NIPAL2: variants seen among roughly 807,000 people sequenced by gnomAD.
NIPAL2 encodes the protein NIPA-like protein 2.
A neutral mutation model predicts 48.9 loss-of-function variants in NIPAL2; 43 were observed. The ratio of observed to expected loss-of-function variants is 0.88; its 90% CI spans 0.69 to 1.13. NIPAL2 has a LOEUF of 1.13. Among genes scored for constraint, NIPAL2 ranks in the 50% most tolerant of loss-of-function variants. NIPAL2 has a pLI of 0.00. For synonymous variants in NIPAL2, 167 were observed against 174.6 expected, an observed-to-expected ratio of 0.96 and a Z score of 0.34; for missense variants, 446 against 461.4, an observed-to-expected ratio of 0.97 and a Z score of 0.31.
At chr8:98,222,055 T>C (rs374562901) in intron 5 of NIPAL2, among the ~76,000 whole-genome samples, 18 of 152,240 alleles carry the variant, frequency 1.2e-4, no homozygotes, top group African/African-American at 4.1e-4. Flanking sequence ...CAATGATAGA[T>C]TGGATAAAGA....
chr8:98,262,143 A>G (rs1250442580), intron 1 of NIPAL2, among the ~76,000 whole-genome samples: 2 of 147,572 alleles, frequency 1.4e-5, no homozygotes, highest in African/African-American at 5.0e-5. Flanking sequence ...AAACATGGAA[A>G]GGAACAACCG....
At chr8:98,266,291 A>AG (rs1011336172) in intron 1 of NIPAL2, among the ~76,000 whole-genome samples, 13 of 149,352 alleles carry the variant, frequency 8.7e-5, no homozygotes, top group Admixed American at 6.0e-4. Flanking sequence ...ATAAAAAAAA[A>AG]AAGAAAATGA....
chr8:98,235,255 C>T (rs935318355), intron 4 of NIPAL2, among the ~76,000 whole-genome samples: 2 of 152,084 alleles, frequency 1.3e-5, no homozygotes, highest in African/African-American at 4.8e-5. Flanking sequence ...GCAATTCAAA[C>T]AGGATTTTGT....
At chr8:98,206,744 T>A (rs2130711028) in intron 6 of NIPAL2, among the ~76,000 whole-genome samples, 1 of 140,882 alleles carries the variant, frequency 7.1e-6, no homozygotes, top group African/African-American at 2.7e-5. Context: ...GCCACTGCAC[T>A]CCAGCCTGGG....
At chr8:98,266,256 C>A in intron 1 of NIPAL2, among the ~76,000 whole-genome samples, 1 of 140,432 alleles carries the variant, frequency 7.1e-6, no homozygotes, top group South Asian at 2.3e-4. Flanking sequence ...ACAATGTGCA[C>A]ATGTACCCTA....
chr8:98,226,606 TTC>T (rs148636631), intron 4 of NIPAL2, among the ~76,000 whole-genome samples: 22 of 149,596 alleles, frequency 1.5e-4, no homozygotes, highest in Middle Eastern at 3.4e-3. Flanking sequence ...CTCCCTCTCT[TTC>T]TCTCTCTCTC....
intron 8 of NIPAL2, among the ~76,000 whole-genome samples, chr8:98,196,793 G>A (rs564053891): frequency 2.7e-4 from 41 of 152,312 alleles, no homozygotes; most frequent in African/African-American, 8.9e-4. Context: ...TCTGCTGTGC[G>A]TCAGCCACTG....
chr8:98,282,033 G>A (rs1472415710), intron 1 of NIPAL2, among the ~76,000 whole-genome samples: 1 of 152,186 alleles, frequency 6.6e-6, no homozygotes, highest in East Asian at 1.9e-4. Context: ...TTTCTGCCAG[G>A]CAAGGTAACA....
At chr8:98,205,303 A>T in intron 6 of NIPAL2, 57 bp from the exon 7 acceptor site, 5 of 1,492,210 alleles carry the variant, frequency 3.4e-6, no homozygotes, top group Non-Finnish European at 4.6e-6. Context: ...GAATTAACAA[A>T]TATCTTAAGC....
At chr8:98,290,146 T>C (rs899139896) in intron 1 of NIPAL2, among the ~76,000 whole-genome samples, 3 of 152,208 alleles carry the variant, frequency 2.0e-5, no homozygotes, top group Non-Finnish European at 4.4e-5. Flanking sequence ...GGATAACACA[T>C]ACCTTTTGAG....
Position 98,212,459 on chromosome 8 carries a change from T to C in NIPAL2, c.601A>G (p.Lys201Glu). 6.3e-7 allele frequency: 1 copy of C among 1,579,200 alleles called. No homozygotes were observed. ...LIFCILLYFY[K>E]RKGMKHMVIL... ...ACCATATGCTTCATTCCTTTTCTTT[T>C]ATAGAAATACAGGAGAATGCAGAAA... The change falls in exon 6 of 11, where the codon AAA becomes GAA. Residue 201 changes from lysine to glutamate, a missense_variant. Transcript: ENST00000430223.
intron 1 of NIPAL2, among the ~76,000 whole-genome samples, chr8:98,286,812 C>CAAAAAAAAAAA (rs1182876107): frequency 5.2e-5 from 3 of 57,878 alleles, no homozygotes; most frequent in Non-Finnish European, 6.9e-5. Context: ...GAGACTCTGT[C>CAAAAAAAAAAA]AAAAAAAAAA....
At chr8:98,203,022 C>T in intron 8 of NIPAL2, 86 bp downstream of exon 8, 3 of 1,066,020 alleles carry the variant, frequency 2.8e-6, no homozygotes, top group Non-Finnish European at 2.9e-6. Flanking sequence ...TCCTTACAAC[C>T]TAAAGATTTC....
chr8:98,288,220 G>A (rs909576654), intron 1 of NIPAL2, among the ~76,000 whole-genome samples: 1 of 130,018 alleles, frequency 7.7e-6, no homozygotes, highest in Non-Finnish European at 1.5e-5. Context: ...TCCCCAGAGT[G>A]TGATATTCCC....
chr8:98,217,064 C>T (rs1297120059), intron 5 of NIPAL2: 31 of 985,358 alleles, frequency 3.1e-5, no homozygotes, highest in Non-Finnish European at 3.7e-5. Flanking sequence ...AAACTCCACT[C>T]CTCTTTGCAT....
In NIPAL2 at chr8:98,209,445, C is replaced by CAAAAA. The variant is rs33923448; in HGVS notation, c.655+2955_655+2959dup. On this transcript the variant is annotated intron_variant, in intron 6 of 10. Coordinates refer to ENST00000430223, the MANE Select transcript of NIPAL2 (RefSeq NM_001321635.2). Reference sequence around the variant, plus strand: ...GCAGCATGGGGATACCCTGTCTCTCCAAAAAAAAAAAAAAAAAAAAAAATT... The same window carrying CAAAAA: ...GCAGCATGGGGATACCCTGTCTCTCCAAAAAAAAAAAAAAAAAAAAAAAAAAAATT... Among the ~76,000 whole-genome samples, 273 of 70,480 alleles carry CAAAAA rather than the reference C, an allele frequency of 3.9e-3. 12 individuals carry two copies. Among genetic ancestry groups the CAAAAA allele is most frequent in the African/African-American group, 0.016 (253 of 16,242 alleles). The allele number at this position is 70,480 out of a possible 152,430, so 46.2% of individuals were successfully genotyped here.
chr8:98,293,406 T>A (rs57251745), intron 1 of NIPAL2, among the ~76,000 whole-genome samples: 2 of 152,260 alleles, frequency 1.3e-5, no homozygotes, highest in East Asian at 3.9e-4. Flanking sequence ...TGGCGTTGTT[T>A]AAGTTAACAA....
At position 98,249,517 on chromosome 8, in the gene NIPAL2, G is replaced by A. The variant is rs114174476; in HGVS notation, c.376+2946C>T. On this transcript the variant is annotated intron_variant, in intron 3 of 10. Coordinates refer to ENST00000430223, the MANE Select transcript of NIPAL2 (RefSeq NM_001321635.2). ...GACATACATGTCATATATGTCATAC[G>A]TATATACATGTCAATCATATGACAT... Among the ~76,000 whole-genome samples, 501 of 150,476 alleles carry A rather than the reference G, an allele frequency of 3.3e-3. 1 individual carries two copies. The highest frequency in any genetic ancestry group is 0.011 in the African/African-American group (454 of 41,114).
At chr8:98,204,185 G>T (rs1236552433) in intron 7 of NIPAL2, among the ~76,000 whole-genome samples, 1 of 152,126 alleles carries the variant, frequency 6.6e-6, no homozygotes, top group Non-Finnish European at 1.5e-5. Context: ...TAATTCAGAA[G>T]AAACAGATAA....
Sources: gnomAD v4.1 joint callset for allele counts (sites outside exome capture counted in the v4.1 genomes callset) on GRCh38, gnomAD v4.1.1 for gene constraint, MANE v1.5 for transcripts, NCBI Gene and HGNC (gene_info 2026-07-23, HGNC 2026-07-21) for gene names.